FCER1A: variants seen among roughly 807,000 people sequenced by gnomAD.
The protein encoded by FCER1A is high affinity immunoglobulin epsilon receptor subunit alpha.
A neutral mutation model predicts 23.6 loss-of-function variants in FCER1A; 24 were observed. The observed-to-expected ratio is 1.02, with a 90% confidence interval of 0.74 to 1.43. FCER1A has a LOEUF of 1.43. FCER1A is among the 40% of genes most tolerant of loss of function. FCER1A has a pLI of 0.00. For missense variants in FCER1A, 318 were observed against 294.5 expected (o/e 1.08, Z -0.58); for synonymous variants, 121 against 108.8 (o/e 1.11, Z -0.70).
chr1:159,305,468 T>C (rs1240984608), intron 3 of FCER1A, among the ~76,000 whole-genome samples: 1 of 152,180 alleles, frequency 6.6e-6, no homozygotes, highest in African/African-American at 2.4e-5. Context: ...GTCCCTGACT[T>C]CTTGGAGCAC....
upstream of FCER1A, among the ~76,000 whole-genome samples, chr1:159,300,438 G>A (rs1385111808): frequency 1.3e-5 from 2 of 152,018 alleles, no homozygotes; most frequent in Non-Finnish European, 2.9e-5. Flanking sequence ...CAGGGCTTAG[G>A]GCTTCAAATA....
At chr1:159,286,539 A>T (rs187542388), upstream of FCER1A, among the ~76,000 whole-genome samples, 3 of 151,986 alleles carry the variant, frequency 2.0e-5, no homozygotes, top group East Asian at 1.9e-4. Context: ...TCACCATGTT[A>T]GCCAGGATGG....
chr1:159,302,488 C>A (rs556940947), intron 1 of FCER1A, 69 bp downstream of exon 1: 33 of 1,088,826 alleles, frequency 3.0e-5, no homozygotes, highest in African/African-American at 2.8e-4. Context: ...GGGGTAGGAA[C>A]CTTTACTGTG....
upstream of FCER1A, among the ~76,000 whole-genome samples, chr1:159,287,591 C>G (rs930574270): frequency 2.0e-5 from 3 of 151,744 alleles, no homozygotes; most frequent in African/African-American, 7.2e-5. Flanking sequence ...CACCAGCATT[C>G]TCTAGTGCTC....
intron 2 of FCER1A, 94 bp downstream of exon 2, chr1:159,302,968 A>T (rs1054570004): frequency 1.7e-6 from 2 of 1,191,516 alleles, no homozygotes; most frequent in Non-Finnish European, 2.5e-6. Context: ...TCTGCTTTCT[A>T]ATGAGCATGA....
intron 1 of FCER1A, 84 bp downstream of exon 1, chr1:159,302,503 G>A (rs1312923557): frequency 1.0e-6 from 1 of 975,514 alleles, no homozygotes; most frequent in African/African-American, 1.6e-5. Flanking sequence ...ACTGTGGGTG[G>A]TGACTTTTTC....
At chr1:159,307,687 A>G in intron 4 of FCER1A, 61 bp from the exon 5 acceptor site, 1 of 1,290,636 alleles carries the variant, frequency 7.7e-7, no homozygotes, top group Non-Finnish European at 1.1e-6. Flanking sequence ...GAAACTCTGA[A>G]CCTCATTTTT....
chr1:159,301,272 C>T (rs201035560), upstream of FCER1A, among the ~76,000 whole-genome samples: 2 of 152,058 alleles, frequency 1.3e-5, no homozygotes, highest in Non-Finnish European at 2.9e-5. Flanking sequence ...TTGCAAATGA[C>T]AAGCCACTAT....
intron 2 of FCER1A, 35 bp from the exon 3 acceptor site, chr1:159,303,893 T>G: frequency 6.4e-7 from 1 of 1,568,338 alleles, no homozygotes; most frequent in Non-Finnish European, 8.7e-7. Context: ...TTTTTTTCTC[T>G]CTACATGTCT....
At chr1:159,293,718 T>C (rs1234050523) in intron 1 of FCER1A, among the ~76,000 whole-genome samples, 1 of 151,980 alleles carries the variant, frequency 6.6e-6, no homozygotes, top group African/African-American at 2.4e-5. Flanking sequence ...ACAAAGGACA[T>C]GAACTCATCA....
At chr1:159,300,815 C>A (rs1156883473), upstream of FCER1A, among the ~76,000 whole-genome samples, 3 of 152,230 alleles carry the variant, frequency 2.0e-5, no homozygotes, top group South Asian at 4.1e-4. Flanking sequence ...CATAATATAA[C>A]CATGACCTGG....
rs955040819 is a variant in FCER1A, at chr1:159,304,024, A to G, written c.173A>G (p.Glu58Gly). The G allele has an allele frequency of 1.2e-6, 2 of 1,614,036 alleles. No individual in the cohort carries two copies. The highest frequency in any genetic ancestry group is 1.7e-5 in the Admixed American group (1 of 60,024). The change falls in exon 3 of 5, where the codon GAA becomes GGA. Residue 58 changes from glutamate (E) to glycine (G), a missense_variant. Transcript: ENST00000693622. ...TLTCNGNNFF[E>G]VSSTKWFHNG... ...ACATGTAATGGGAACAATTTCTTTG[A>G]AGTCAGTTCCACCAAATGGTTCCAC...
At chr1:159,299,661 G>T (rs540682596), upstream of FCER1A, among the ~76,000 whole-genome samples, 1 of 152,082 alleles carries the variant, frequency 6.6e-6, no homozygotes. Flanking sequence ...ATTTAGACAC[G>T]CCCTATTGAT....
At position 159,308,015 on chromosome 1, in the gene FCER1A, A is replaced by T. The variant is rs898522031; in HGVS notation, c.*83A>T. On this transcript the variant is annotated 3_prime_UTR_variant, in exon 5 of 5. Transcript: ENST00000693622. ...ACTCAATTGTCAAACACAGCTTGCAATATACATAGAAACGTCTGTGCTCAA... is the reference window on the plus strand; with the variant it reads ...ACTCAATTGTCAAACACAGCTTGCATTATACATAGAAACGTCTGTGCTCAA... 8.2e-6 allele frequency: 8 copies of T among 978,614 alleles called. 1 individual carries two copies. In the South Asian group the frequency reaches 1.4e-4, roughly 18 times the overall value. 60.6% of individuals were successfully genotyped at this position (978,614 alleles called of 1,614,324 possible).
rs1457829977 is a variant in FCER1A at position 159,292,825 on chromosome 1, A to G, written c.-60+3072A>G. Reference sequence around the variant, plus strand: ...CCCTCATGAATGGATTAACCTAATTATGAATTAATAGATTAATTGAATAAT... The same window carrying G: ...CCCTCATGAATGGATTAACCTAATTGTGAATTAATAGATTAATTGAATAAT... On this transcript the variant is annotated intron_variant, in intron 1 of 5. Coordinates refer to the FCER1A transcript ENST00000368115. Among the ~76,000 whole-genome samples the G allele has an allele frequency of 4.6e-5, 7 of 152,118 alleles. No homozygotes were observed. In the East Asian group the frequency reaches 1.3e-3, roughly 29 times the overall value.
intron 3 of FCER1A, among the ~76,000 whole-genome samples, chr1:159,304,463 C>T (rs12063805): frequency 0.017 from 2,607 of 151,948 alleles, 74 homozygotes; most frequent in African/African-American, 0.059. Context: ...TAAAATTAGC[C>T]GGGCGTAGTG....
chr1:159,295,933 TG>T (rs1445956547), intron 1 of FCER1A, among the ~76,000 whole-genome samples: 1 of 152,208 alleles, frequency 6.6e-6, no homozygotes, highest in Non-Finnish European at 1.5e-5. Flanking sequence ...AAATAAGTGG[TG>T]CTCAATGATG....
chr1:159,295,356 G>T (rs1302149336), intron 1 of FCER1A, among the ~76,000 whole-genome samples: 5 of 151,912 alleles, frequency 3.3e-5, no homozygotes, highest in African/African-American at 9.7e-5. Flanking sequence ...AGATGCAGTT[G>T]TAAATTGCAA....
chr1:159,290,228 TC>T (rs1413301132), intron 1 of FCER1A, among the ~76,000 whole-genome samples: 4 of 152,118 alleles, frequency 2.6e-5, no homozygotes, highest in Non-Finnish European at 5.9e-5. Flanking sequence ...CCAGAGAGTG[TC>T]CCCTTTGAGG....
Sources: allele counts gnomAD v4.1 joint callset (sites outside exome capture counted in the v4.1 genomes callset), GRCh38; gene constraint gnomAD v4.1.1; transcripts MANE v1.5; gene names NCBI Gene and HGNC (gene_info 2026-07-23, HGNC 2026-07-21).